The following BMI1 variants were observed in gnomAD, a reference collection of about 807,000 sequenced individuals.
The protein encoded by BMI1 is BMI1 proto-oncogene, polycomb ring finger, also known as polycomb complex protein BMI-1.
Under a neutral mutation model 39.1 loss-of-function variants are expected in BMI1, and 9 were observed. The observed-to-expected ratio is 0.23, with a 90% CI of 0.14 to 0.40. The LOEUF is 0.40. Among genes scored for constraint, BMI1 ranks in the 10% least tolerant of loss-of-function variants. The pLI is 1.00. For synonymous variants in BMI1, 131 were observed against 127.9 expected, an observed-to-expected ratio of 1.02 and a Z score of -0.16; for missense variants, 252 against 390.8, an observed-to-expected ratio of 0.64 and a Z score of 2.99.
chr10:22,324,613 C>A (rs1477044879), intron 1 of BMI1, among the ~76,000 whole-genome samples: 2 of 152,164 alleles, frequency 1.3e-5, no homozygotes, highest in African/African-American at 4.8e-5. Context: ...TTAATTTCAG[C>A]CATTGAGCTG....
rs1836255123 is a variant in BMI1, at chr10:22,330,244, TATGAC to T, written c.*705_*709del. The stretch of plus-strand genomic sequence containing the variant: ...CTTGTTGTACAATGCCATATTGGTA[TATGAC>T]ATAACAGGAAACAGTATTGTATGAT... On this transcript the variant is annotated 3_prime_UTR_variant, in exon 10 of 10. Coordinates refer to ENST00000376663, the MANE Select transcript of BMI1 (RefSeq NM_005180.9). 1.3e-5 allele frequency: 2 copies of T among 152,590 alleles called. No homozygotes were observed. The highest frequency in any genetic ancestry group is 1.5e-5 in the Non-Finnish European group (1 of 68,080). The allele number at this position is 152,590 out of a possible 1,614,324, so 9.5% of individuals were successfully genotyped here.
chr10:22,329,010 T>G (rs780908412), intron 8 of BMI1, 38 bp from the exon 9 acceptor site: 2 of 1,547,688 alleles, frequency 1.3e-6, no homozygotes, highest in Non-Finnish European at 1.8e-6. Flanking sequence ...ACATTTACCT[T>G]TGTTCTTTTA....
intron 1 of BMI1, among the ~76,000 whole-genome samples, chr10:22,324,294 A>T (rs2132001225): frequency 6.6e-6 from 1 of 152,348 alleles, no homozygotes; most frequent in Non-Finnish European, 1.5e-5. Flanking sequence ...CTATCTTTCT[A>T]GGAAAGATCC....
At chr10:22,322,973 G>A (rs1836047677) in intron 1 of BMI1, among the ~76,000 whole-genome samples, 1 of 152,194 alleles carries the variant, frequency 6.6e-6, no homozygotes, top group Admixed American at 6.5e-5. Context: ...TTCAATATAT[G>A]AAAGAGAAGC....
intron 7 of BMI1, 111 bp downstream of exon 7, chr10:22,328,290 T>A: frequency 1.6e-6 from 2 of 1,256,354 alleles, no homozygotes; most frequent in Non-Finnish European, 1.1e-6. Context: ...AAGAAAATGG[T>A]CATGTTTAAT....
chr10:22,325,640 C>A (rs1836127083), intron 1 of BMI1: 1 of 146,770 alleles, frequency 6.8e-6, no homozygotes, highest in Non-Finnish European at 1.5e-5. Flanking sequence ...CCCGCCCGCC[C>A]GCCCGCCGCC....
chr10:22,324,702 A>G (rs1413291605), intron 1 of BMI1, among the ~76,000 whole-genome samples: 2 of 152,358 alleles, frequency 1.3e-5, no homozygotes, highest in African/African-American at 4.8e-5. Context: ...GCAAGTTTCA[A>G]AAGGTCCTGG....
intron 5 of BMI1, 29 bp from the exon 6 acceptor site, chr10:22,327,921 A>T (rs952266138): frequency 1.9e-6 from 3 of 1,582,880 alleles, no homozygotes; most frequent in East Asian, 4.5e-5. Context: ...TCTGATTTTT[A>T]AAAATTACAT....
chr10:22,329,183 A>G lies in BMI1; in HGVS notation c.652-30A>G, dbSNP rs754436481. On this transcript the variant is annotated intron_variant, in intron 9 of 9. Transcript: ENST00000376663. ...ATGGTAAACTATATTTAAAGAATTA[A>G]GAGTAATTTTTTTCCTTTTAACTTT... The G allele has an allele frequency of 3.1e-6, 5 of 1,610,700 alleles. No individual in the cohort carries two copies. The East Asian group carries it at 1.1e-4, about 36-fold the overall frequency.
At chr10:22,326,651 G>T in intron 2 of BMI1, 90 bp downstream of exon 2, 1 of 1,543,204 alleles carries the variant, frequency 6.5e-7, no homozygotes, top group Non-Finnish European at 8.7e-7. Context: ...CCTGCAATCT[G>T]TGGAAATGTT....
intron 1 of BMI1, among the ~76,000 whole-genome samples, chr10:22,323,637 T>A (rs185039125): frequency 1.3e-5 from 2 of 152,258 alleles, no homozygotes; most frequent in African/African-American, 4.8e-5. Context: ...ATGGTTAACA[T>A]AAGAACTTGC....
In BMI1 at chr10:22,329,648, T is replaced by C; in HGVS notation, c.*106T>C. On this transcript the variant is annotated 3_prime_UTR_variant, in exon 10 of 10. Transcript: ENST00000376663. ...TAATACATGTGACTATCGTCCAATT[T>C]GCTTTCTTTTGTAGTGACATTAAAT... is the stretch of plus-strand genomic sequence containing the variant. The C allele has an allele frequency of 7.4e-7, 1 of 1,351,816 alleles. No homozygotes were observed. Among genetic ancestry groups the C allele is most frequent in the Non-Finnish European group, 9.9e-7 (1 of 1,009,162 alleles). The allele number at this position is 1,351,816 out of a possible 1,614,324, so 83.7% of individuals were successfully genotyped here. A position where few individuals can be genotyped will look rare whatever the true frequency, so the allele number is the denominator to read the frequency against.
chr10:22,327,186 T>G (rs1174453333), intron 3 of BMI1, among the ~76,000 whole-genome samples, 200 bp downstream of exon 3: 3 of 152,212 alleles, frequency 2.0e-5, no homozygotes, highest in Non-Finnish European at 4.4e-5. Flanking sequence ...AGTATTCAAG[T>G]GATTTTAAGA....
At position 22,331,351 on chromosome 10, in the gene BMI1, AAG is replaced by A. The variant is rs1836277883; in HGVS notation, c.*1813_*1814del. On this transcript the variant is annotated 3_prime_UTR_variant, in exon 10 of 10. Coordinates refer to ENST00000376663, the MANE Select transcript of BMI1 (RefSeq NM_005180.9). ...AGAGGATTACAACAGGTAAACGTTA[AAG>A]AGAATACATTGCTGACTTATAGTGA... 1 of 152,162 alleles carries A rather than the reference AAG, an allele frequency of 6.6e-6. No individual in the cohort carries two copies. Among genetic ancestry groups the A allele is most frequent in the African/African-American group, 2.4e-5 (1 of 41,454 alleles). 9.4% of individuals were successfully genotyped at this position (152,162 alleles called of 1,614,324 possible).
chr10:22,323,941 ATAAG>A (rs1167244031), intron 1 of BMI1, among the ~76,000 whole-genome samples: 3 of 152,252 alleles, frequency 2.0e-5, no homozygotes, highest in African/African-American at 7.2e-5. Flanking sequence ...TGATTTTTAT[ATAAG>A]TAACAGTGGT....
rs2131997372 is a variant in BMI1 at position 22,321,528 on chromosome 10, C to T, written c.-188C>T. Reference sequence around the variant, plus strand: ...CCGGCCGGAGGCGGCATGAGACGAGCGTGGCGGCCGCGGCTGCTCGGGGCC... The same window carrying T: ...CCGGCCGGAGGCGGCATGAGACGAGTGTGGCGGCCGCGGCTGCTCGGGGCC... On this transcript the variant is annotated 5_prime_UTR_variant, in exon 1 of 10. Transcript: ENST00000376663. 1 of 154,256 alleles carries T rather than the reference C, an allele frequency of 6.5e-6. No individual in the cohort carries two copies. Among genetic ancestry groups the T allele is most frequent in the East Asian group, 1.9e-4 (1 of 5,192 alleles). The allele number at this position is 154,256 out of a possible 1,614,324, so 9.6% of individuals were successfully genotyped here.
intron 1 of BMI1, chr10:22,325,634 C>T (rs1836125763): frequency 6.9e-6 from 1 of 145,742 alleles, no homozygotes; most frequent in South Asian, 2.1e-4. Context: ...CCCCCGCCCG[C>T]CCGCCCGCCC....
At chr10:22,326,609 T>A in intron 2 of BMI1, 48 bp downstream of exon 2, 1 of 1,588,186 alleles carries the variant, frequency 6.3e-7, no homozygotes, top group Non-Finnish European at 8.6e-7. Context: ...TATTTCACAG[T>A]TCGACCTGGA....
At position 22,331,109 on chromosome 10, in the gene BMI1, GATGTTTT is replaced by G. The variant is rs1836272657; in HGVS notation, c.*1571_*1577del. 1 of 152,448 alleles carries G rather than the reference GATGTTTT, an allele frequency of 6.6e-6. No homozygotes were observed. The highest frequency in any genetic ancestry group is 6.5e-5 in the Admixed American group (1 of 15,272). 9.4% of individuals were successfully genotyped at this position (152,448 alleles called of 1,614,324 possible). A position where few individuals can be genotyped will look rare whatever the true frequency, so the allele number is the denominator to read the frequency against. On this transcript the variant is annotated 3_prime_UTR_variant, in exon 10 of 10. Transcript: ENST00000376663. Reference sequence around the variant, plus strand: ...TGCTTTCTTTAAAAATATAGTAAAGGATGTTTTATGAAGTCACAAGATACATATATTT... The same window carrying G: ...TGCTTTCTTTAAAAATATAGTAAAGGATGAAGTCACAAGATACATATATTT...
Sources: gnomAD v4.1 joint callset for allele counts (sites outside exome capture counted in the v4.1 genomes callset) on GRCh38, gnomAD v4.1.1 for gene constraint, MANE v1.5 for transcripts, NCBI Gene and HGNC (gene_info 2026-07-23, HGNC 2026-07-21) for gene names.